The following PPP2R5C variants were observed in gnomAD, a reference collection of about 807,000 sequenced individuals.
PPP2R5C encodes protein phosphatase 2 regulatory subunit B'gamma.
PPP2R5C carries 7 observed loss-of-function variants against 68.9 expected under a neutral mutation model. That is an observed-to-expected ratio of 0.10 (90% CI 0.06 to 0.19). The LOEUF (loss-of-function observed/expected upper bound fraction) is 0.19. Among genes scored for constraint, PPP2R5C ranks in the 10% least tolerant of loss-of-function variants. The pLI is 1.00. For synonymous variants in PPP2R5C, 210 were observed against 222.2 expected, an observed-to-expected ratio of 0.95 and a Z score of 0.49; for missense variants, 348 against 641.3, an observed-to-expected ratio of 0.54 and a Z score of 4.94.
chr14:101,862,447 G>A (rs374341223), intron 2 of PPP2R5C, among the ~76,000 whole-genome samples: 1 of 152,180 alleles, frequency 6.6e-6, no homozygotes, highest in South Asian at 2.1e-4. Context: ...CAGAGTGCGC[G>A]ATCCAGCACT....
chr14:101,809,432 TCCTA>T (rs1252605383), upstream of PPP2R5C, among the ~76,000 whole-genome samples: 5 of 150,020 alleles, frequency 3.3e-5, no homozygotes, highest in South Asian at 2.1e-4. Context: ...GTTGCCAGAA[TCCTA>T]CCTAAGATGC....
upstream of PPP2R5C, among the ~76,000 whole-genome samples, chr14:101,761,494 A>T (rs1595090563): frequency 8.8e-6 from 1 of 113,652 alleles, no homozygotes; most frequent in Non-Finnish European, 1.9e-5. Context: ...TCGCGCGGAG[A>T]GGGTGGGGGG....
In PPP2R5C at chr14:101,842,035, C is replaced by G. The variant is rs74440274; in HGVS notation, c.95-14651C>G. Reference sequence around the variant, plus strand: ...CGTTATACCTGCAGGTTCCCCCCACCAAACCCTGCTGTGTCAGGAAAACAG... The same window carrying G: ...CGTTATACCTGCAGGTTCCCCCCACGAAACCCTGCTGTGTCAGGAAAACAG... On this transcript the variant is annotated intron_variant, in intron 1 of 13. Coordinates refer to ENST00000334743, the Ensembl canonical transcript of PPP2R5C. Among the ~76,000 whole-genome samples, 245 of 152,274 alleles carry G rather than the reference C, an allele frequency of 1.6e-3. 7 individuals carry two copies. The East Asian group carries it at 0.039, about 24-fold the overall frequency.
At position 101,916,864 on chromosome 14, in the gene PPP2R5C, C is replaced by A. The variant is rs2046702750; in HGVS notation, c.1327-967C>A. On this transcript the variant is annotated intron_variant, in intron 12 of 13. Transcript: ENST00000334743. The surrounding 1 kb of genome is among the most constrained non-coding windows in gnomAD (Gnocchi z 5.5). The stretch of plus-strand genomic sequence containing the variant: ...CAGCCTGGGCAGGAACCCCCGCTCC[C>A]CTCTCCTGAACTCAGAGGCCCTGAG... Among the ~76,000 whole-genome samples, 2 of 152,152 alleles carry A rather than the reference C, an allele frequency of 1.3e-5. No individual in the cohort carries two copies. Among genetic ancestry groups the A allele is most frequent in the African/African-American group, 4.8e-5 (2 of 41,516 alleles).
chr14:101,870,626 A>C (rs776497744), intron 2 of PPP2R5C, among the ~76,000 whole-genome samples: 8 of 152,184 alleles, frequency 5.3e-5, no homozygotes, highest in Non-Finnish European at 8.8e-5. Flanking sequence ...TGTTTTGACT[A>C]TTCTAGTTAT....
intron 2 of PPP2R5C, among the ~76,000 whole-genome samples, chr14:101,870,519 G>C (rs1368959576): frequency 6.6e-6 from 1 of 152,188 alleles, no homozygotes; most frequent in African/African-American, 2.4e-5. Context: ...GTGTATCTCT[G>C]TTTGCCAGTC....
At chr14:101,843,602 A>G (rs1466451296) in intron 1 of PPP2R5C, 1 of 164,730 alleles carries the variant, frequency 6.1e-6, no homozygotes, top group African/African-American at 2.4e-5. Flanking sequence ...AGGATTCCTG[A>G]CCTTTTCTTG....
chr14:101,809,400 A>C (rs906694239), upstream of PPP2R5C, among the ~76,000 whole-genome samples: 2 of 150,906 alleles, frequency 1.3e-5, no homozygotes, highest in African/African-American at 2.5e-5. Flanking sequence ...GTTAAAAAAA[A>C]AAAACAAAAA....
At position 101,912,485 on chromosome 14, in the gene PPP2R5C, G is replaced by A. The variant is rs2046450361; in HGVS notation, c.1326+12G>A. Reference sequence around the variant, plus strand: ...AAGCCAATCCCCAGGTACTAAAAAAGAGAATAACATGAAAACGCCCAGGGT... The same window carrying A: ...AAGCCAATCCCCAGGTACTAAAAAAAAGAATAACATGAAAACGCCCAGGGT... On this transcript the variant is annotated intron_variant, in intron 12 of 13. Coordinates refer to ENST00000334743, the Ensembl canonical transcript of PPP2R5C. The A allele has an allele frequency of 6.3e-7, 1 of 1,598,702 alleles. No individual in the cohort carries two copies. Among genetic ancestry groups the A allele is most frequent in the Non-Finnish European group, 8.5e-7 (1 of 1,175,694 alleles).
rs777061810 is a variant in PPP2R5C at position 101,899,902 on chromosome 14, C to A, written c.853-1817C>A. Among the ~76,000 whole-genome samples, 2 of 152,070 alleles carry A rather than the reference C, an allele frequency of 1.3e-5. No individual in the cohort carries two copies. Among genetic ancestry groups the A allele is most frequent in the Non-Finnish European group, 2.9e-5 (2 of 68,002 alleles). On this transcript the variant is annotated intron_variant, in intron 8 of 13. Transcript: ENST00000334743. The surrounding 1 kb of genome is among the most constrained non-coding windows in gnomAD (Gnocchi z 4.2). ...CTTCCTTTTTTATTTTTATTTGGCT[C>A]TTTTGGGGTTTTTGTTTGTTTGTTA...
At chr14:101,864,735 C>T (rs12883277) in intron 2 of PPP2R5C, among the ~76,000 whole-genome samples, 9,386 of 152,122 alleles carry the variant, frequency 0.062, 389 homozygotes, top group Middle Eastern at 0.14. Context: ...GAAAGTAAGA[C>T]GTGTTTGGGT....
upstream of PPP2R5C, chr14:101,761,797 G>A (rs1390473569): frequency 4.1e-6 from 4 of 969,824 alleles, no homozygotes; most frequent in East Asian, 4.9e-4. Flanking sequence ...CGGCGGCGGC[G>A]GCGGCCGCGG....
At chr14:101,813,568 TCC>T (rs1019069497) in intron 1 of PPP2R5C, among the ~76,000 whole-genome samples, 2 of 152,214 alleles carry the variant, frequency 1.3e-5, no homozygotes, top group African/African-American at 4.8e-5. Flanking sequence ...TGGGCCCACT[TCC>T]CACCCTGCAG....
chr14:101,862,109 C>T (rs758747185), intron 2 of PPP2R5C, among the ~76,000 whole-genome samples: 3 of 152,120 alleles, frequency 2.0e-5, no homozygotes, highest in Admixed American at 2.0e-4. Context: ...GACACGGGGT[C>T]TCCACTCTAT....
intron 5 of PPP2R5C, among the ~76,000 whole-genome samples, chr14:101,883,776 T>C (rs1440779055): frequency 6.6e-6 from 1 of 151,984 alleles, no homozygotes; most frequent in Non-Finnish European, 1.5e-5. Flanking sequence ...TCCCCACAGC[T>C]CCCTCCTGAG....
At chr14:101,920,426 T>C (rs1404259200) in intron 13 of PPP2R5C, among the ~76,000 whole-genome samples, 2 of 152,358 alleles carry the variant, frequency 1.3e-5, no homozygotes, top group Admixed American at 6.5e-5. Flanking sequence ...TCCTGTAGCA[T>C]GTCTGCTTCC....
upstream of PPP2R5C, chr14:101,761,870 C>T (rs1170067064): frequency 3.6e-6 from 4 of 1,124,408 alleles, no homozygotes; most frequent in South Asian, 8.6e-5. Flanking sequence ...GGGGCGGCGG[C>T]GGCGGCGGCG....
chr14:101,889,431 T>C (rs1053120443), intron 5 of PPP2R5C, among the ~76,000 whole-genome samples: 2 of 152,210 alleles, frequency 1.3e-5, no homozygotes, highest in East Asian at 3.8e-4. Flanking sequence ...CTGTTCCCTC[T>C]CTTTGTGCCC....
intron 1 of PPP2R5C, among the ~76,000 whole-genome samples, chr14:101,762,362 G>A (rs2036594711): frequency 6.6e-6 from 1 of 152,180 alleles, no homozygotes. Context: ...CCTGTACGGG[G>A]GAAAGGGAGC....
Sources: allele counts gnomAD v4.1 joint callset (sites outside exome capture counted in the v4.1 genomes callset), GRCh38; gene constraint gnomAD v4.1.1; non-coding constraint Gnocchi (gnomAD v3.1); transcripts MANE v1.5; gene names NCBI Gene and HGNC (gene_info 2026-07-23, HGNC 2026-07-21).